Variants in ARHGEF28 observed in about 807,000 individuals in gnomAD.
The protein encoded by ARHGEF28 is Rho guanine nucleotide exchange factor 28, also known as 190 kDa guanine nucleotide exchange factor.
In ARHGEF28, 152 loss-of-function variants were observed where a neutral mutation model predicts 206.6. That is an observed-to-expected ratio of 0.74 (90% confidence interval 0.64 to 0.84). The LOEUF (loss-of-function observed/expected upper bound fraction) is 0.84. Ranked by LOEUF, ARHGEF28 falls within the 40% of genes least tolerant of loss-of-function variation. ARHGEF28 has a pLI of 0.00. For synonymous variants in ARHGEF28, 763 were observed against 776.4 expected (o/e 0.98, Z 0.29); for missense variants, 2,028 against 2,073.2 (o/e 0.98, Z 0.42).
intron 16 of ARHGEF28, among the ~76,000 whole-genome samples, chr5:73,858,562 G>A (rs1485443173): frequency 6.6e-6 from 1 of 152,150 alleles, no homozygotes; most frequent in Non-Finnish European, 1.5e-5. Flanking sequence ...AACTTTTGGA[G>A]TACATCTTTA....
At chr5:73,813,687 TC>T in intron 9 of ARHGEF28, 2 of 1,534,654 alleles carry the variant, frequency 1.3e-6, no homozygotes, top group Non-Finnish European at 1.7e-6. Context: ...GATTGCAGTA[TC>T]TTTTCTTTCC....
At chr5:73,747,123 GGTGAGAACACATC>G (rs907597261) in intron 2 of ARHGEF28, among the ~76,000 whole-genome samples, 2 of 152,092 alleles carry the variant, frequency 1.3e-5, no homozygotes, top group Non-Finnish European at 2.9e-5. Context: ...TTTATAGAAA[GGTGAGAACACATC>G]TCTATTGTTT....
intron 9 of ARHGEF28, among the ~76,000 whole-genome samples, chr5:73,831,442 C>T (rs190750204): frequency 1.7e-4 from 26 of 152,294 alleles, no homozygotes; most frequent in African/African-American, 6.3e-4. Flanking sequence ...AAAGCTGAGA[C>T]ATGAAAGCAA....
At position 73,763,719 on chromosome 5, in the gene ARHGEF28, ATAGCCT is replaced by A. The variant is rs1208577008; in HGVS notation, c.476-10134_476-10129del. Among the ~76,000 whole-genome samples the A allele has an allele frequency of 4.1e-3, 619 of 152,304 alleles. 3 individuals are homozygous for A. The highest frequency in any genetic ancestry group is 0.014 in the African/African-American group (585 of 41,562). ...GTGAAATGAATGGTGGACTTGAATC[ATAGCCT>A]TGAAGCAACATTAACAAATGAAAGA... On this transcript the variant is annotated intron_variant, in intron 4 of 35. Transcript: ENST00000513042.
At chr5:73,926,308 T>C (rs448000) in intron 35 of ARHGEF28, among the ~76,000 whole-genome samples, 38,786 of 152,050 alleles carry the variant, frequency 0.26, 5,459 homozygotes, top group East Asian at 0.45. Context: ...ATAGCTTCCT[T>C]CTTACTGTGC....
At position 73,911,434 on chromosome 5, in the gene ARHGEF28, G is replaced by A. The variant is rs1244274434; in HGVS notation, c.4807G>A (p.Val1603Met). ...YPTTQSHSDL[V>M]RTSEHQVDLK... ...TACAACTCAATCTCATTCTGACTTG[G>A]TGAGGACTAGTGAACATCAAGTAGA... Residue 1603 changes from valine (V) to methionine (M), a missense_variant, in exon 35 of 36, where the codon GTG becomes ATG. Physicochemically the swap from Val to Met is conservative, Grantham distance 21. Around this residue, in one of 3 missense-constraint regions of ARHGEF28, gnomAD observed 803 missense variants for 768.0 expected, o/e 1.05. Transcript: ENST00000513042. 1 of 1,613,836 alleles carries A rather than the reference G, an allele frequency of 6.2e-7. No homozygotes were observed.
chr5:73,768,827 A>C (rs1231002537), intron 4 of ARHGEF28, among the ~76,000 whole-genome samples: 1 of 151,990 alleles, frequency 6.6e-6, no homozygotes, highest in African/African-American at 2.4e-5. Context: ...CCCAAATCTC[A>C]TCTTGAATTA....
chr5:73,796,004 A>T (rs1167104273), intron 9 of ARHGEF28, among the ~76,000 whole-genome samples: 1 of 152,188 alleles, frequency 6.6e-6, no homozygotes, highest in African/African-American at 2.4e-5. Context: ...TCATCTGATT[A>T]CAATATTCTG....
intron 10 of ARHGEF28, among the ~76,000 whole-genome samples, chr5:73,840,154 T>TA (rs1405565145): frequency 3.3e-5 from 5 of 152,222 alleles, no homozygotes; most frequent in Non-Finnish European, 7.3e-5. Flanking sequence ...TCTCACTCTG[T>TA]AACCCAGGCT....
intron 1 of ARHGEF28, among the ~76,000 whole-genome samples, chr5:73,670,087 G>A (rs1004570603): frequency 2.0e-5 from 3 of 152,214 alleles, no homozygotes; most frequent in Admixed American, 2.0e-4. Context: ...ATACTGAACA[G>A]TTCCAAAACC....
chr5:73,791,226 C>G (rs766507836), intron 7 of ARHGEF28, among the ~76,000 whole-genome samples: 16 of 152,144 alleles, frequency 1.1e-4, no homozygotes, highest in Admixed American at 6.5e-5. Context: ...GAGCGGAAAT[C>G]GATCTGGTCC....
intron 10 of ARHGEF28, among the ~76,000 whole-genome samples, chr5:73,832,823 G>A (rs1354806712): frequency 1.3e-5 from 2 of 152,144 alleles, no homozygotes; most frequent in African/African-American, 4.8e-5. Context: ...TGCAATATTT[G>A]TATTCAAATC....
intron 35 of ARHGEF28, among the ~76,000 whole-genome samples, chr5:73,932,679 A>T (rs1339126968): frequency 6.6e-6 from 1 of 152,150 alleles, no homozygotes; most frequent in African/African-American, 2.4e-5. Flanking sequence ...TAGAATTTTC[A>T]AATTAAGTAT....
intron 1 of ARHGEF28, among the ~76,000 whole-genome samples, chr5:73,651,927 C>T (rs1289137712): frequency 6.6e-6 from 1 of 152,166 alleles, no homozygotes; most frequent in African/African-American, 2.4e-5. Context: ...GCCCAGCTAC[C>T]ATGCTCTGTT....
At chr5:73,806,354 ACTAT>A (rs1475223476) in intron 9 of ARHGEF28, among the ~76,000 whole-genome samples, 10 of 114,266 alleles carry the variant, frequency 8.8e-5, no homozygotes, top group South Asian at 8.2e-4. Context: ...ATGTAGATAT[ACTAT>A]CTATCTATAT....
chr5:73,732,172 A>G lies in ARHGEF28; in HGVS notation c.34-17665A>G, dbSNP rs540772373. The stretch of plus-strand genomic sequence containing the variant: ...AAAGTATCCACCTTTATGGTATTAC[A>G]TAGAGTGTTTTCACTGCCCTGAGAA... On this transcript the variant is annotated intron_variant, in intron 2 of 35. Coordinates refer to ENST00000513042, the MANE Select transcript of ARHGEF28 (RefSeq NM_001177693.2). Among the ~76,000 whole-genome samples the G allele has an allele frequency of 3.9e-5, 6 of 152,280 alleles. No homozygotes were observed. In the South Asian group the frequency reaches 1.0e-3, roughly 26 times the overall value.
rs762196826 is a variant in ARHGEF28, at chr5:73,909,487, G to A, written c.4237G>A (p.Gly1413Ser). The A allele has an allele frequency of 3.7e-6, 6 of 1,612,232 alleles. No homozygotes were observed. The highest frequency in any genetic ancestry group is 1.1e-5 in the South Asian group (1 of 90,804). Residue 1413 changes from glycine (G) to serine (S), a missense_variant, in exon 34 of 36, where the codon GGC becomes AGC. Transcript: ENST00000513042. Reference sequence around the variant, plus strand: ...CCAGCAGCAGGAGGGCCTGTCTCTCGGCCACTCTATCCTCCGAGGCGGCCC... The same window carrying A: ...CCAGCAGCAGGAGGGCCTGTCTCTCAGCCACTCTATCCTCCGAGGCGGCCC... ...VLQQQEGLSL[G>S]HSILRGGPLQ...
At chr5:73,864,983 G>T in intron 17 of ARHGEF28, 111 bp downstream of exon 17, 2 of 932,540 alleles carry the variant, frequency 2.1e-6, no homozygotes, top group Non-Finnish European at 1.6e-6. Flanking sequence ...AAGCGATCAT[G>T]ATAGCGATAA....
chr5:73,840,078 A>T (rs969720378), intron 10 of ARHGEF28, among the ~76,000 whole-genome samples: 3 of 152,174 alleles, frequency 2.0e-5, no homozygotes, highest in Non-Finnish European at 2.9e-5. Context: ...CTTTATGTGA[A>T]TTATAGGATA....
Sources: gnomAD v4.1 joint callset for allele counts (sites outside exome capture counted in the v4.1 genomes callset) on GRCh38, gnomAD v4.1.1 for gene constraint, gnomAD v4.1.1 regional missense constraint, MANE v1.5 for transcripts, NCBI Gene and HGNC (gene_info 2026-07-23, HGNC 2026-07-21) for gene names.